The following RBFOX1 variants were observed in gnomAD, a reference collection of about 807,000 sequenced individuals.
RBFOX1 encodes RNA binding fox-1 homolog 1.
A neutral mutation model predicts 57.7 loss-of-function variants in RBFOX1; 8 were observed. The observed-to-expected ratio is 0.14, with a 90% CI of 0.08 to 0.25. The LOEUF is 0.25. Ranked by LOEUF, RBFOX1 falls within the 10% of genes least tolerant of loss-of-function variation. The pLI is 1.00. For missense variants in RBFOX1, 611 were observed against 548.5 expected, an observed-to-expected ratio of 1.11 and a Z score of -1.14; for synonymous variants, 326 against 222.4, an observed-to-expected ratio of 1.47 and a Z score of -4.15.
At chr16:6,032,675 A>T (rs1054957046) in intron 1 of RBFOX1, among the ~76,000 whole-genome samples, 17 of 152,058 alleles carry the variant, frequency 1.1e-4, no homozygotes, top group Admixed American at 1.0e-3. Context: ...TTTTTTTTTT[A>T]AAGCAACATT....
chr16:6,330,507 G>A (rs1202341415), intron 2 of RBFOX1, among the ~76,000 whole-genome samples: 2 of 152,136 alleles, frequency 1.3e-5, no homozygotes, highest in Non-Finnish European at 2.9e-5. Context: ...ACATTCCTGT[G>A]ATGCTCTTCC....
intron 2 of RBFOX1, among the ~76,000 whole-genome samples, chr16:6,415,054 C>A (rs1347617740): frequency 6.6e-6 from 1 of 151,792 alleles, no homozygotes; most frequent in Non-Finnish European, 1.5e-5. Flanking sequence ...ACCAGCCTGG[C>A]CAACATGATG....
chr16:5,923,037 T>C (rs893931516), intron 4 of RBFOX1, among the ~76,000 whole-genome samples: 4 of 152,128 alleles, frequency 2.6e-5, no homozygotes, highest in Admixed American at 1.3e-4. Flanking sequence ...CCCAGGGGAC[T>C]CTCCACAAGG....
intron 2 of RBFOX1, among the ~76,000 whole-genome samples, chr16:6,463,979 C>T (rs569218186): frequency 5.7e-4 from 87 of 152,184 alleles, no homozygotes; most frequent in African/African-American, 2.0e-3. Context: ...AATGCTGTTA[C>T]CAGAAAGAGG....
At chr16:6,970,879 A>C (rs559258677) in intron 3 of RBFOX1, among the ~76,000 whole-genome samples, 1 of 152,186 alleles carries the variant, frequency 6.6e-6, no homozygotes, top group Admixed American at 6.5e-5. Flanking sequence ...GTAAGAGACA[A>C]CTGCAGTAAG....
At chr16:7,390,166 A>T (rs1568577053) in intron 4 of RBFOX1, among the ~76,000 whole-genome samples, 1 of 152,270 alleles carries the variant, frequency 6.6e-6, no homozygotes, top group East Asian at 1.9e-4. Flanking sequence ...TATCAAAAGA[A>T]CAGCAAGGGG....
intron 3 of RBFOX1, among the ~76,000 whole-genome samples, chr16:5,779,089 A>G (rs923678865): frequency 6.6e-6 from 1 of 152,214 alleles, no homozygotes; most frequent in African/African-American, 2.4e-5. Context: ...GTCAATGACT[A>G]AGTGATCATG....
At chr16:5,999,879 A>C in intron 4 of RBFOX1, among the ~76,000 whole-genome samples, 1 of 32,160 alleles carries the variant, frequency 3.1e-5, no homozygotes, top group Non-Finnish European at 6.0e-5. Flanking sequence ...AAAAAAAAAA[A>C]AAAAAAAAAA....
chr16:6,171,529 T>C (rs2096960623), intron 1 of RBFOX1, among the ~76,000 whole-genome samples: 1 of 152,192 alleles, frequency 6.6e-6, no homozygotes, highest in East Asian at 1.9e-4. Flanking sequence ...CATTGGCTTG[T>C]TGGACCAGCA....
chr16:6,600,635 G>A (rs1459816617), intron 2 of RBFOX1, among the ~76,000 whole-genome samples: 1 of 152,154 alleles, frequency 6.6e-6, no homozygotes, highest in Non-Finnish European at 1.5e-5. Context: ...CTGAAACAGT[G>A]GACGGGACAC....
chr16:5,440,016 T>C (rs185797156), intron 1 of RBFOX1, among the ~76,000 whole-genome samples: 1 of 152,314 alleles, frequency 6.6e-6, no homozygotes, highest in Admixed American at 6.5e-5. Flanking sequence ...GTTAACACCA[T>C]TTGATAGTAT....
At chr16:6,109,291 T>A (rs1051429630) in intron 1 of RBFOX1, among the ~76,000 whole-genome samples, 1 of 152,204 alleles carries the variant, frequency 6.6e-6, no homozygotes, top group East Asian at 1.9e-4. Flanking sequence ...CAATATGTAA[T>A]ATTTATATTT....
At chr16:5,538,696 G>C (rs559153742) in intron 2 of RBFOX1, among the ~76,000 whole-genome samples, 2 of 149,854 alleles carry the variant, frequency 1.3e-5, no homozygotes, top group African/African-American at 4.9e-5. Flanking sequence ...TGTGATCTCC[G>C]CTCACTGCAA....
chr16:6,864,685 C>T (rs1056950859), intron 3 of RBFOX1, among the ~76,000 whole-genome samples: 1 of 151,796 alleles, frequency 6.6e-6, no homozygotes, highest in African/African-American at 2.4e-5. Context: ...GCTTTTAAAG[C>T]CTTTCAATAA....
intron 3 of RBFOX1, among the ~76,000 whole-genome samples, chr16:5,835,265 C>T (rs1448855187): frequency 6.6e-6 from 1 of 152,118 alleles, no homozygotes; most frequent in Non-Finnish European, 1.5e-5. Flanking sequence ...GCTGGGCAGG[C>T]ACTACAGGCA....
At chr16:6,433,175 A>T (rs185402439) in intron 2 of RBFOX1, among the ~76,000 whole-genome samples, 187 of 152,292 alleles carry the variant, frequency 1.2e-3, no homozygotes, top group African/African-American at 2.9e-3. Flanking sequence ...GGCTATGGAT[A>T]CAGTGAAAAG....
At chr16:7,441,152 T>G (rs1432312650) in intron 4 of RBFOX1, among the ~76,000 whole-genome samples, 15 of 152,144 alleles carry the variant, frequency 9.9e-5, no homozygotes, top group Non-Finnish European at 2.1e-4. Flanking sequence ...CACACCAGGG[T>G]TCTCCTGCTC....
intron 3 of RBFOX1, among the ~76,000 whole-genome samples, chr16:6,937,175 T>G (rs973249925): frequency 2.0e-5 from 3 of 152,152 alleles, no homozygotes; most frequent in Non-Finnish European, 2.9e-5. Context: ...TTTTTCCAAA[T>G]TTTTATTCTG....
chr16:6,584,340 CATTATTATTATTATTATTATTATT>C (rs3045200), intron 2 of RBFOX1, among the ~76,000 whole-genome samples: 6 of 136,794 alleles, frequency 4.4e-5, no homozygotes, highest in Non-Finnish European at 9.3e-5. Context: ...GTTTTATTTT[CATTATTATTATTATTATTATTATT>C]ATTATTATTA....
Sources: gnomAD v4.1 joint callset for allele counts (sites outside exome capture counted in the v4.1 genomes callset) on GRCh38, gnomAD v4.1.1 for gene constraint, MANE v1.5 for transcripts, NCBI Gene and HGNC (gene_info 2026-07-23, HGNC 2026-07-21) for gene names.